Variants in ABHD12 observed in about 807,000 individuals in gnomAD.
ABHD12 encodes the protein abhydrolase domain containing 12, lysophospholipase.
A neutral mutation model predicts 58.3 loss-of-function variants in ABHD12; 43 were observed. The observed-to-expected ratio is 0.74, with a 90% CI of 0.58 to 0.95. ABHD12 has a LOEUF of 0.95. Among genes scored for constraint, ABHD12 ranks in the 40% least tolerant of loss-of-function variants. The pLI, the probability that ABHD12 is intolerant of heterozygous loss-of-function variation, is 0.00. For synonymous variants in ABHD12, 219 were observed against 211.2 expected (o/e 1.04, Z -0.32); for missense variants, 539 against 537.2 (o/e 1.00, Z -0.03).
At chr20:25,314,487 A>T (rs1418617871) in intron 6 of ABHD12, among the ~76,000 whole-genome samples, 2 of 152,006 alleles carry the variant, frequency 1.3e-5, no homozygotes, top group Non-Finnish European at 2.9e-5. Context: ...AGACTAGCCT[A>T]GGCAACACAG....
chr20:25,336,724 C>T (rs2089375940), intron 2 of ABHD12, among the ~76,000 whole-genome samples: 1 of 152,242 alleles, frequency 6.6e-6, no homozygotes, highest in Non-Finnish European at 1.5e-5. Flanking sequence ...ACTGCCTTTC[C>T]TCCCAAAGGG....
intron 1 of ABHD12, among the ~76,000 whole-genome samples, chr20:25,345,004 C>A (rs745346535): frequency 1.3e-5 from 2 of 151,712 alleles, no homozygotes; most frequent in African/African-American, 2.4e-5. Flanking sequence ...GAGTCATAGA[C>A]CTAAATGTAA....
intron 1 of ABHD12, among the ~76,000 whole-genome samples, chr20:25,376,388 T>G (rs2089963175): frequency 6.6e-6 from 1 of 152,184 alleles, no homozygotes; most frequent in Non-Finnish European, 1.5e-5. Flanking sequence ...TCTACTGAAT[T>G]GAAAACTTTA....
intron 1 of ABHD12, among the ~76,000 whole-genome samples, chr20:25,372,781 T>C (rs1219840360): frequency 2.0e-5 from 3 of 152,218 alleles, no homozygotes; most frequent in African/African-American, 7.2e-5. Context: ...ATTACTCACA[T>C]TTGTGGTGAT....
At chr20:25,315,506 T>C (rs891337050) in intron 5 of ABHD12, among the ~76,000 whole-genome samples, 1 of 152,106 alleles carries the variant, frequency 6.6e-6, no homozygotes, top group Admixed American at 6.5e-5. Context: ...CCCACCCCTG[T>C]GCCCTTGCTG....
chr20:25,297,242 A>G (rs535789113), downstream of ABHD12: 3 of 152,406 alleles, frequency 2.0e-5, no homozygotes, highest in Admixed American at 2.0e-4. Flanking sequence ...CTTGGTCAGG[A>G]TGAAGTTGGC....
At chr20:25,299,000 C>T (rs1211643711), downstream of ABHD12, among the ~76,000 whole-genome samples, 3 of 152,160 alleles carry the variant, frequency 2.0e-5, no homozygotes, top group African/African-American at 4.8e-5. Flanking sequence ...AGCTCAGCAC[C>T]CTGGGTAGGG....
At chr20:25,383,770 A>C (rs957454254) in intron 1 of ABHD12, among the ~76,000 whole-genome samples, 1 of 152,114 alleles carries the variant, frequency 6.6e-6, no homozygotes, top group Non-Finnish European at 1.5e-5. Context: ...CCTGACCAAC[A>C]TGGTGAAACC....
intron 2 of ABHD12, among the ~76,000 whole-genome samples, chr20:25,325,492 A>G (rs1351030229): frequency 6.6e-6 from 1 of 152,210 alleles, no homozygotes; most frequent in African/African-American, 2.4e-5. Context: ...CTAACCCAAC[A>G]TGACTGGTAT....
intron 6 of ABHD12, 99 bp from the exon 7 acceptor site, chr20:25,309,674 G>A (rs2088812887): frequency 2.6e-6 from 4 of 1,559,274 alleles, no homozygotes; most frequent in Non-Finnish European, 3.5e-6. Context: ...GAGGAGACAG[G>A]GAGGGGCCCG....
chr20:25,390,491 C>CCG, intron 1 of ABHD12, 22 bp downstream of exon 1: 1 of 1,348,272 alleles, frequency 7.4e-7, no homozygotes, highest in East Asian at 4.5e-5. Context: ...CCCCCCCCCC[C>CCG]CCGCTCCGCG....
intron 1 of ABHD12, among the ~76,000 whole-genome samples, chr20:25,385,836 C>T (rs866542793): frequency 7.7e-4 from 117 of 152,244 alleles, no homozygotes; most frequent in African/African-American, 2.6e-3. Flanking sequence ...CGGTGGCTGA[C>T]ACCTGTAATC....
intron 1 of ABHD12, chr20:25,368,281 T>C: frequency 6.5e-7 from 1 of 1,533,082 alleles, no homozygotes; most frequent in African/African-American, 1.4e-5. Flanking sequence ...CTTATTAGAG[T>C]TGTTCACAGT....
rs1872384600 is a variant in ABHD12, at chr20:25,309,566, T to C, written c.629A>G (p.Asp210Gly). The C allele has an allele frequency of 6.2e-7, 1 of 1,613,936 alleles. No individual in the cohort carries two copies. Among genetic ancestry groups the C allele is most frequent in the African/African-American group, 1.3e-5 (1 of 74,908 alleles). Residue 210 changes from aspartate to glycine, a missense_variant, in exon 7 of 13, where the codon GAC becomes GGC. By Grantham distance (94) the Asp-to-Gly change is moderately conservative (BLOSUM62 -1). Coordinates refer to ENST00000339157, the MANE Select transcript of ABHD12 (RefSeq NM_001042472.3). Reference protein sequence around the residue: ...VVTFDYRGWGDSVGTPSERGM... With the variant: ...VVTFDYRGWGGSVGTPSERGM... ...CCGCTCAGATGGCGTTCCCACTGAG[T>C]CACCCCAACCTGGGAGGGAGAAACG...
At chr20:25,303,717 G>A in intron 10 of ABHD12, 89 bp from the exon 11 acceptor site, 3 of 1,567,288 alleles carry the variant, frequency 1.9e-6, no homozygotes, top group Non-Finnish European at 1.7e-6. Flanking sequence ...TGGGTTCAGG[G>A]TGTGTTTTGG....
chr20:25,323,992 C>T (rs1474873592), intron 2 of ABHD12, among the ~76,000 whole-genome samples: 1 of 152,176 alleles, frequency 6.6e-6, no homozygotes, highest in Non-Finnish European at 1.5e-5. Context: ...GAAAAGACAG[C>T]AGAAGGTGAG....
intron 5 of ABHD12, 104 bp downstream of exon 5, chr20:25,316,944 C>T: frequency 3.7e-6 from 4 of 1,073,138 alleles, no homozygotes; most frequent in Non-Finnish European, 5.7e-6. Context: ...ACACAAACAG[C>T]CCAGCAATAG....
Position 25,334,962 on chromosome 20 carries a change from A to G in ABHD12, c.316+4265T>C, listed in dbSNP as rs529174745. ...AAGCCAAAATTGACAAATGGGATCT[A>G]ATTTAACTAAAGAGCTTCTGCACAG... On this transcript the variant is annotated intron_variant, in intron 2 of 12. Coordinates refer to ENST00000339157, the MANE Select transcript of ABHD12 (RefSeq NM_001042472.3). Among the ~76,000 whole-genome samples, 178 of 152,254 alleles carry G rather than the reference A, an allele frequency of 1.2e-3. 1 individual carries two copies. The highest frequency in any genetic ancestry group is 4.1e-3 in the African/African-American group (170 of 41,550).
In ABHD12 at chr20:25,334,133, C is replaced by T. The variant is rs572573416; in HGVS notation, c.316+5094G>A. Among the ~76,000 whole-genome samples the T allele has an allele frequency of 1.3e-4, 19 of 151,132 alleles. No homozygotes were observed. The South Asian group carries it at 4.0e-3, about 32-fold the overall frequency. ...AGTCTCAGGATACAAAATCAATGTA[C>T]AAAAATCACAAGCATTCTTATACAC... On this transcript the variant is annotated intron_variant, in intron 2 of 12. Coordinates refer to ENST00000339157, the MANE Select transcript of ABHD12 (RefSeq NM_001042472.3).
Sources: gnomAD v4.1 joint callset for allele counts (sites outside exome capture counted in the v4.1 genomes callset) on GRCh38, gnomAD v4.1.1 for gene constraint, MANE v1.5 for transcripts, NCBI Gene and HGNC (gene_info 2026-07-23, HGNC 2026-07-21) for gene names.